Variants in CASZ1 observed in about 807,000 individuals in gnomAD.
CASZ1 encodes castor zinc finger 1, also known as zinc finger protein castor homolog 1.
In CASZ1, 28 loss-of-function variants were observed where a neutral mutation model predicts 135.2. The ratio of observed to expected loss-of-function variants is 0.21; its 90% CI spans 0.15 to 0.28. The LOEUF is 0.28. CASZ1 is among the 10% of genes least tolerant of loss of function. CASZ1 has a pLI of 1.00. For missense variants in CASZ1, 2,161 were observed against 2,453.3 expected, an observed-to-expected ratio of 0.88 and a Z score of 2.52; for synonymous variants, 1,068 against 1,073.4, an observed-to-expected ratio of 0.99 and a Z score of 0.10.
At position 10,647,215 on chromosome 1, in the gene CASZ1, A is replaced by G; in HGVS notation, c.3497+586T>C. 1.0e-6 allele frequency: 1 copy of G among 989,126 alleles called. No individual in the cohort carries two copies. Among genetic ancestry groups the G allele is most frequent in the Non-Finnish European group, 1.2e-6 (1 of 831,974 alleles). 61.3% of individuals were successfully genotyped at this position (989,126 alleles called of 1,614,324 possible). ...GGACAGCTGCCACTCAGGCGATATA[A>G]ATAATCCAATTTATTACTTTTATTG... is the stretch of plus-strand genomic sequence containing the variant. On this transcript the variant is annotated intron_variant, in intron 16 of 20. Coordinates refer to ENST00000377022, the MANE Select transcript of CASZ1 (RefSeq NM_001079843.3). This position sits in a 1 kb window ranked among gnomAD's most constrained non-coding sequence, Gnocchi z 4.9.
chr1:10,664,533 T>C (rs1232484671), intron 5 of CASZ1, among the ~76,000 whole-genome samples: 1 of 152,022 alleles, frequency 6.6e-6, no homozygotes, highest in Non-Finnish European at 1.5e-5. Context: ...GACGTCCTGC[T>C]GGGAGGGCCA....
At chr1:10,713,693 A>C (rs529291055) in intron 2 of CASZ1, among the ~76,000 whole-genome samples, 3 of 152,372 alleles carry the variant, frequency 2.0e-5, no homozygotes, top group African/African-American at 7.2e-5. Flanking sequence ...GCCATCTCTA[A>C]GTCCCCTGCT....
intron 13 of CASZ1, chr1:10,649,706 G>A: frequency 4.6e-6 from 2 of 433,340 alleles, no homozygotes; most frequent in East Asian, 7.0e-5. Flanking sequence ...CTCAAGCCGA[G>A]GCCGCGACTC....
rs145186229 is a variant in CASZ1, at chr1:10,661,917, T to C, written c.506-1381A>G. On this transcript the variant is annotated intron_variant, in intron 5 of 20. Transcript: ENST00000377022. ...AACACACATATGCATTCTCATACACTCTCACACACCCACAGTCGCATGCAC... is the reference window on the plus strand; with the variant it reads ...AACACACATATGCATTCTCATACACCCTCACACACCCACAGTCGCATGCAC... Among the ~76,000 whole-genome samples, 1,150 of 146,596 alleles carry C rather than the reference T, an allele frequency of 7.8e-3. 18 individuals are homozygous for C. The highest frequency in any genetic ancestry group is 0.028 in the African/African-American group (1,092 of 39,078).
chr1:10,670,880 G>A (rs1643377183), intron 4 of CASZ1, among the ~76,000 whole-genome samples: 1 of 152,126 alleles, frequency 6.6e-6, no homozygotes, highest in Non-Finnish European at 1.5e-5. Context: ...TCCGAGAAGG[G>A]AGTCCTTCCC....
At chr1:10,643,080 G>A in intron 19 of CASZ1, 80 bp from the exon 20 acceptor site, 1 of 1,594,970 alleles carries the variant, frequency 6.3e-7, no homozygotes, top group Non-Finnish European at 8.6e-7. Flanking sequence ...GCTCCATGCA[G>A]CACAGGCCTG....
chr1:10,796,279 C>G (rs1323137252), intron 1 of CASZ1, among the ~76,000 whole-genome samples: 1 of 152,110 alleles, frequency 6.6e-6, no homozygotes, highest in Non-Finnish European at 1.5e-5. Context: ...AGCCGCGCGC[C>G]GGGCATTCCC....
intron 4 of CASZ1, among the ~76,000 whole-genome samples, chr1:10,668,141 CGAGCGCGTGT>C (rs1643293342): frequency 6.6e-6 from 1 of 152,102 alleles, no homozygotes; most frequent in African/African-American, 2.4e-5. Context: ...TTTGTAAGTG[CGAGCGCGTGT>C]GAGGCTGGGC....
At chr1:10,656,834 T>C (rs1351917465) in intron 7 of CASZ1, 98 bp from the exon 8 acceptor site, 1 of 762,944 alleles carries the variant, frequency 1.3e-6, no homozygotes, top group Non-Finnish European at 2.2e-6. Context: ...GGGCCCTGTA[T>C]GGGATGCAGA....
chr1:10,674,636 C>A (rs569782160), intron 4 of CASZ1, among the ~76,000 whole-genome samples: 1 of 152,338 alleles, frequency 6.6e-6, no homozygotes, highest in African/African-American at 2.4e-5. Flanking sequence ...GCAGAGCACA[C>A]GGTGCCTCCC....
At chr1:10,737,002 AG>A (rs1417245401) in intron 2 of CASZ1, among the ~76,000 whole-genome samples, 1 of 152,154 alleles carries the variant, frequency 6.6e-6, no homozygotes, top group East Asian at 1.9e-4. Flanking sequence ...TTCTGCAGAG[AG>A]GGGGAGAAGG....
intron 17 of CASZ1, among the ~76,000 whole-genome samples, 184 bp downstream of exon 17, chr1:10,645,935 CTGGACCCCT>C (rs1290356555): frequency 6.6e-6 from 1 of 152,154 alleles, no homozygotes; most frequent in African/African-American, 2.4e-5. Flanking sequence ...TAGCACCAAT[CTGGACCCCT>C]GCCCAGGGGT....
Position 10,755,867 on chromosome 1 carries a change from C to G in CASZ1, c.-77+4834G>C, listed in dbSNP as rs527455992. ...CCTGCTCCCACCCCTCTGCACCCCC[C>G]ACCCCAGCTGCAGGCCATGGAGCTG... is the stretch of plus-strand genomic sequence containing the variant. On this transcript the variant is annotated intron_variant, in intron 2 of 20. Coordinates refer to ENST00000377022, the MANE Select transcript of CASZ1 (RefSeq NM_001079843.3). This position sits in a 1 kb window ranked among gnomAD's most constrained non-coding sequence, Gnocchi z 4.3. Among the ~76,000 whole-genome samples, 2 of 152,158 alleles carry G rather than the reference C, an allele frequency of 1.3e-5. No homozygotes were observed. The highest frequency in any genetic ancestry group is 4.8e-5 in the African/African-American group (2 of 41,514).
Position 10,753,373 on chromosome 1 carries a change from C to T in CASZ1, c.-77+7328G>A, listed in dbSNP as rs1025652933. On this transcript the variant is annotated intron_variant, in intron 2 of 20. Coordinates refer to ENST00000377022, the MANE Select transcript of CASZ1 (RefSeq NM_001079843.3). ...TGCCCTGCCCAGCCTCCTCCCTCAC[C>T]CGTCACTGCTGCACTGTCCAATACC... Among the ~76,000 whole-genome samples the T allele has an allele frequency of 3.9e-5, 6 of 152,154 alleles. No homozygotes were observed. In the South Asian group the frequency reaches 1.2e-3, roughly 32 times the overall value.
chr1:10,698,205 T>C (rs1638981725), intron 3 of CASZ1, among the ~76,000 whole-genome samples: 1 of 152,274 alleles, frequency 6.6e-6, no homozygotes, highest in African/African-American at 2.4e-5. Context: ...GTAATCCTGT[T>C]AGCCAGCAAT....
At chr1:10,641,756 A>T (rs1424777139) in intron 20 of CASZ1, among the ~76,000 whole-genome samples, 1 of 152,234 alleles carries the variant, frequency 6.6e-6, no homozygotes, top group Non-Finnish European at 1.5e-5. Flanking sequence ...CGGCAGGATC[A>T]GCCATCTCTG....
At position 10,777,576 on chromosome 1, in the gene CASZ1, G is replaced by C. The variant is rs989170892; in HGVS notation, c.-233-16719C>G. ...TTTTACTCTGCCCGGCTACTACAAC[G>C]AGGGGGAAAGAAGCGACACACAAAA... On this transcript the variant is annotated intron_variant, in intron 1 of 20. Transcript: ENST00000377022. This position sits in a 1 kb window ranked among gnomAD's most constrained non-coding sequence, Gnocchi z 4.4. 6.6e-6 allele frequency among the ~76,000 whole-genome samples: 1 copy of C among 152,102 alleles called. No homozygotes were observed. The highest frequency in any genetic ancestry group is 1.5e-5 in the Non-Finnish European group (1 of 68,006).
rs192909240 is a variant in CASZ1 at position 10,759,636 on chromosome 1, C to T, written c.-77+1065G>A. Among the ~76,000 whole-genome samples, 54 of 152,260 alleles carry T rather than the reference C, an allele frequency of 3.5e-4. No individual in the cohort carries two copies. Among genetic ancestry groups the T allele is most frequent in the African/African-American group, 1.3e-3 (54 of 41,542 alleles). ...GGGACCTACCAAACCCCAGTGCGCA[C>T]CAAGGCTCCCGTCTCTGCAAGCGCT... On this transcript the variant is annotated intron_variant, in intron 2 of 20. Coordinates refer to ENST00000377022, the MANE Select transcript of CASZ1 (RefSeq NM_001079843.3). This position sits in a 1 kb window ranked among gnomAD's most constrained non-coding sequence, Gnocchi z 4.2.
rs1415524125 is a variant in CASZ1 at position 10,638,991 on chromosome 1, G to T, written c.5231C>A (p.Ala1744Glu). ...GARTPALAAL[A>E]ALGAPGPAPT... ...CGCGGGGCCGGGGGCGCCCAGGGCC[G>T]CCAGCGCCGCCAAGGCCGGGGTCCG... Residue 1744 changes from alanine to glutamate, a missense_variant, in exon 21 of 21, where the codon GCG becomes GAG. Ala to Glu is a moderately radical substitution (Grantham distance 107, BLOSUM62 -1). Around this residue, in one of 7 missense-constraint regions of CASZ1, gnomAD observed 185 missense variants for 134.7 expected, o/e 1.37. Transcript: ENST00000377022. The surrounding 1 kb of genome is among the most constrained non-coding windows in gnomAD (Gnocchi z 5.9). The T allele has an allele frequency of 2.0e-6, 2 of 982,266 alleles. No individual in the cohort carries two copies. The highest frequency in any genetic ancestry group is 2.4e-6 in the Non-Finnish European group (2 of 829,410). The allele number at this position is 982,266 out of a possible 1,614,324, so 60.8% of individuals were successfully genotyped here.
Sources: allele counts gnomAD v4.1 joint callset (sites outside exome capture counted in the v4.1 genomes callset), GRCh38; gene constraint gnomAD v4.1.1; regional missense constraint gnomAD v4.1.1; non-coding constraint Gnocchi (gnomAD v3.1); transcripts MANE v1.5; gene names NCBI Gene and HGNC (gene_info 2026-07-23, HGNC 2026-07-21).